KCNE1: variants seen among roughly 807,000 people sequenced by gnomAD.
The protein encoded by KCNE1 is potassium voltage-gated channel subfamily E regulatory subunit 1, also known as potassium voltage-gated channel subfamily E member 1.
A neutral mutation model predicts 2.9 loss-of-function variants in KCNE1; 1 was observed. The ratio of observed to expected loss-of-function variants is 0.34; its 90% CI spans 0.12 to 1.62. The LOEUF is 1.62. Among genes scored for constraint, KCNE1 ranks in the 40% most tolerant of loss-of-function variants. KCNE1 has a pLI of 0.36. For synonymous variants in KCNE1, 23 were observed against 65.4 expected (o/e 0.35, Z 3.13); for missense variants, 45 against 150.5 (o/e 0.30, Z 3.67).
chr21:34,449,865 A>G lies in KCNE1; in HGVS notation c.-50-181T>C, dbSNP rs902070985. On this transcript the variant is annotated intron_variant, in intron 3 of 3. Coordinates refer to ENST00000399286, the MANE Select transcript of KCNE1 (RefSeq NM_000219.6). The stretch of plus-strand genomic sequence containing the variant: ...CTTCTCTTGATAGATGAATGGATAC[A>G]TTGATTCCCTTCTATTTCCATCCAC... 2.4e-5 allele frequency among the ~76,000 whole-genome samples: 2 copies of G among 82,610 alleles called. 1 individual carries two copies. The highest frequency in any genetic ancestry group is 5.1e-5 in the Non-Finnish European group (2 of 39,304). 54.2% of individuals were successfully genotyped at this position (82,610 alleles called of 152,430 possible). A position where few individuals can be genotyped will look rare whatever the true frequency, so the allele number is the denominator to read the frequency against.
At chr21:34,498,996 G>A (rs1161557157) in intron 2 of KCNE1, among the ~76,000 whole-genome samples, 1 of 152,222 alleles carries the variant, frequency 6.6e-6, no homozygotes, top group African/African-American at 2.4e-5. Flanking sequence ...ACCAGGGCAG[G>A]TAGAGAAATA....
chr21:34,507,442 G>A (rs115769669), intron 2 of KCNE1, among the ~76,000 whole-genome samples: 1 of 152,166 alleles, frequency 6.6e-6, no homozygotes, highest in Admixed American at 6.5e-5. Context: ...AACACACAAG[G>A]ATGAATGTGA....
chr21:34,495,480 A>ATT (rs1982747865), intron 2 of KCNE1, among the ~76,000 whole-genome samples: 1 of 60,824 alleles, frequency 1.6e-5, no homozygotes, highest in East Asian at 4.2e-4. Flanking sequence ...TAGCTGATAG[A>ATT]ATTTAGCTGT....
chr21:34,509,106 G>A (rs775885557), intron 2 of KCNE1, among the ~76,000 whole-genome samples: 6 of 152,242 alleles, frequency 3.9e-5, no homozygotes, highest in African/African-American at 1.2e-4. Flanking sequence ...CTGCAGGTAC[G>A]GGTTGGCTGG....
intron 2 of KCNE1, among the ~76,000 whole-genome samples, chr21:34,506,769 C>T (rs540562596): frequency 6.6e-6 from 1 of 152,292 alleles, no homozygotes; most frequent in South Asian, 2.1e-4. Flanking sequence ...CCAACTGTTG[C>T]AGTCTGGTGA....
At chr21:34,499,019 G>A (rs1982983341) in intron 2 of KCNE1, among the ~76,000 whole-genome samples, 1 of 152,156 alleles carries the variant, frequency 6.6e-6, no homozygotes, top group South Asian at 2.1e-4. Flanking sequence ...CATCATGTGG[G>A]GGCAGAGTTT....
intron 2 of KCNE1, among the ~76,000 whole-genome samples, chr21:34,507,009 C>T (rs1311427638): frequency 6.6e-6 from 1 of 152,194 alleles, no homozygotes; most frequent in Non-Finnish European, 1.5e-5. Context: ...CCCTGTCATG[C>T]CTGCAGTCTT....
chr21:34,500,600 C>A (rs994784562), intron 2 of KCNE1, among the ~76,000 whole-genome samples: 4 of 152,146 alleles, frequency 2.6e-5, no homozygotes, highest in Non-Finnish European at 4.4e-5. Context: ...CCCTCTACAC[C>A]ATTCCTACCC....
intron 2 of KCNE1, among the ~76,000 whole-genome samples, chr21:34,499,209 A>T (rs1355360378): frequency 6.6e-6 from 1 of 152,162 alleles, no homozygotes. Context: ...GCTCCCACAC[A>T]GTTGGTGGGG....
chr21:34,449,113 T>C lies in KCNE1; in HGVS notation c.*132A>G, dbSNP rs41314071. 0.1 allele frequency: 47,483 copies of C among 476,646 alleles called. 14,022 individuals are homozygous for C. The highest frequency in any genetic ancestry group is 0.27 in the African/African-American group (12,784 of 46,682). 29.5% of individuals were successfully genotyped at this position (476,646 alleles called of 1,614,324 possible). A position where few individuals can be genotyped will look rare whatever the true frequency, so the allele number is the denominator to read the frequency against. ...AGAAACAGTGAAACAGTGTCATTAATCCACCCCTCACCCCTTACAACAGCC... is the reference window on the plus strand; with the variant it reads ...AGAAACAGTGAAACAGTGTCATTAACCCACCCCTCACCCCTTACAACAGCC... On this transcript the variant is annotated 3_prime_UTR_variant, in exon 4 of 4. Transcript: ENST00000399286.
At chr21:34,505,133 C>CTATT (rs534044632) in intron 2 of KCNE1, among the ~76,000 whole-genome samples, 37 of 152,156 alleles carry the variant, frequency 2.4e-4, no homozygotes, top group African/African-American at 7.7e-4. Flanking sequence ...TCTGTCTTTC[C>CTATT]TATTTATTTA....
rs565498963 is a variant in KCNE1, at chr21:34,496,169, G to A, written c.-162+14932C>T. Among the ~76,000 whole-genome samples, 11 of 152,118 alleles carry A rather than the reference G, an allele frequency of 7.2e-5. No homozygotes were observed. In the East Asian group the frequency reaches 2.1e-3, roughly 29 times the overall value. ...GCTCAGTGCAAGCTCCGCCTCCCAG[G>A]TTCACACCATTCTCCTGCCTCAGCT... On this transcript the variant is annotated intron_variant, in intron 2 of 3. Coordinates refer to ENST00000399286, the MANE Select transcript of KCNE1 (RefSeq NM_000219.6).
chr21:34,499,446 A>G (rs1983028820), intron 2 of KCNE1, among the ~76,000 whole-genome samples: 2 of 152,054 alleles, frequency 1.3e-5, no homozygotes, highest in African/African-American at 4.8e-5. Flanking sequence ...GAGAATTTGC[A>G]CCCAGTTGAA....
chr21:34,503,550 A>G (rs1414449392), intron 2 of KCNE1, among the ~76,000 whole-genome samples: 1 of 152,164 alleles, frequency 6.6e-6, no homozygotes, highest in Non-Finnish European at 1.5e-5. Flanking sequence ...GTGGGGCTGT[A>G]AGTCCTAACC....
At chr21:34,511,537 C>T (rs1983840048) in intron 1 of KCNE1, among the ~76,000 whole-genome samples, 1 of 141,592 alleles carries the variant, frequency 7.1e-6, no homozygotes, top group African/African-American at 2.6e-5. Context: ...CCAGATGTGG[C>T]CCCTCCATCC....
chr21:34,505,955 GA>G (rs1272897590), intron 2 of KCNE1, among the ~76,000 whole-genome samples: 1 of 152,228 alleles, frequency 6.6e-6, no homozygotes, highest in Non-Finnish European at 1.5e-5. Context: ...GACTCTGGGG[GA>G]AAAAGTTTTT....
In KCNE1 at chr21:34,499,221, C is replaced by T. The variant is rs369462553; in HGVS notation, c.-162+11880G>A. On this transcript the variant is annotated intron_variant, in intron 2 of 3. Transcript: ENST00000399286. The stretch of plus-strand genomic sequence containing the variant: ...CCAGCTCCCACACAGTTGGTGGGGC[C>T]GATCTTGCTCCTTCTGTATCCCACT... 7.9e-5 allele frequency among the ~76,000 whole-genome samples: 12 copies of T among 152,306 alleles called. 1 individual carries two copies. In the East Asian group the frequency reaches 1.5e-3, roughly 20 times the overall value.
intron 2 of KCNE1, among the ~76,000 whole-genome samples, chr21:34,497,513 A>G (rs1191501928): frequency 1.3e-5 from 2 of 152,170 alleles, no homozygotes; most frequent in East Asian, 3.8e-4. Flanking sequence ...TAAGACCCCA[A>G]TTCCTTCTTG....
At chr21:34,505,528 G>A (rs975383492) in intron 2 of KCNE1, among the ~76,000 whole-genome samples, 2 of 152,126 alleles carry the variant, frequency 1.3e-5, no homozygotes. Flanking sequence ...AGGCTGGAGG[G>A]AGAGTGTGAG....
Sources: allele counts gnomAD v4.1 joint callset (sites outside exome capture counted in the v4.1 genomes callset), GRCh38; gene constraint gnomAD v4.1.1; transcripts MANE v1.5; gene names NCBI Gene and HGNC (gene_info 2026-07-23, HGNC 2026-07-21).